The following UBL3 variants were observed in gnomAD, a reference collection of about 807,000 sequenced individuals.
The protein encoded by UBL3 is ubiquitin like 3.
UBL3 carries 6 observed loss-of-function variants against 18.4 expected under a neutral mutation model. The observed-to-expected ratio is 0.33, with a 90% CI of 0.18 to 0.64. The LOEUF (loss-of-function observed/expected upper bound fraction) is 0.64. UBL3 is among the 30% of genes least tolerant of loss of function. The probability of loss-of-function intolerance (pLI) is 0.76; values close to 1 mark genes in which losing one functional copy is unlikely to be tolerated. For synonymous variants in UBL3, 49 were observed against 46.6 expected, an observed-to-expected ratio of 1.05 and a Z score of -0.21; for missense variants, 109 against 142.9, an observed-to-expected ratio of 0.76 and a Z score of 1.21.
chr13:29,810,579 T>C (rs1358005018), intron 1 of UBL3, among the ~76,000 whole-genome samples: 1 of 152,238 alleles, frequency 6.6e-6, no homozygotes, highest in East Asian at 1.9e-4. Flanking sequence ...TCTTTTGGAT[T>C]TGTAAACTGA....
intron 1 of UBL3, among the ~76,000 whole-genome samples, chr13:29,783,504 T>C (rs1421061562): frequency 1.3e-5 from 2 of 152,170 alleles, no homozygotes; most frequent in African/African-American, 4.8e-5. Flanking sequence ...TAATTTCCTT[T>C]AGAAGAAATC....
intron 1 of UBL3, among the ~76,000 whole-genome samples, chr13:29,833,375 A>C (rs1878832903): frequency 1.3e-5 from 2 of 152,252 alleles, no homozygotes; most frequent in African/African-American, 4.8e-5. Context: ...TCTATCTAGG[A>C]CACTGGCACC....
chr13:29,826,132 A>G (rs1329873364), intron 1 of UBL3, among the ~76,000 whole-genome samples: 1 of 152,162 alleles, frequency 6.6e-6, no homozygotes, highest in African/African-American at 2.4e-5. Flanking sequence ...ATCGATGTTC[A>G]TCAGGGATAT....
chr13:29,835,707 A>C (rs995966802), intron 1 of UBL3, among the ~76,000 whole-genome samples: 1 of 140,460 alleles, frequency 7.1e-6, no homozygotes, highest in African/African-American at 2.7e-5. Flanking sequence ...GTGAGTTGAG[A>C]TCGCGCCACT....
At chr13:29,838,993 A>G (rs1450033764) in intron 1 of UBL3, among the ~76,000 whole-genome samples, 1 of 152,238 alleles carries the variant, frequency 6.6e-6, no homozygotes, top group East Asian at 1.9e-4. Context: ...ATGTTACTAG[A>G]CAGGAAGACA....
chr13:29,844,471 T>G (rs1269205086), intron 1 of UBL3, among the ~76,000 whole-genome samples: 1 of 152,170 alleles, frequency 6.6e-6, no homozygotes, highest in East Asian at 1.9e-4. Flanking sequence ...AAACACTGAT[T>G]GAATGCAAGC....
intron 1 of UBL3, among the ~76,000 whole-genome samples, chr13:29,814,988 A>G (rs181040205): frequency 1.3e-5 from 2 of 152,306 alleles, no homozygotes; most frequent in Non-Finnish European, 2.9e-5. Flanking sequence ...GTTTCTATAT[A>G]GAAATGTTAT....
At chr13:29,792,118 T>C (rs553740880) in intron 1 of UBL3, among the ~76,000 whole-genome samples, 12 of 152,232 alleles carry the variant, frequency 7.9e-5, no homozygotes, top group Admixed American at 6.5e-4. Context: ...TTGAAAAAAG[T>C]AGGTATTTAA....
At chr13:29,847,147 T>C (rs1447902707) in intron 1 of UBL3, among the ~76,000 whole-genome samples, 1 of 152,216 alleles carries the variant, frequency 6.6e-6, no homozygotes, top group African/African-American at 2.4e-5. Context: ...TAGCAAATGA[T>C]AGACTTCTTA....
At chr13:29,776,762 T>C (rs1015097144) in intron 2 of UBL3, among the ~76,000 whole-genome samples, 3 of 147,700 alleles carry the variant, frequency 2.0e-5, no homozygotes, top group Non-Finnish European at 4.4e-5. Context: ...TCCCAGCTAC[T>C]CGGGAGGCTG....
At chr13:29,836,669 G>C (rs1219088004) in intron 1 of UBL3, among the ~76,000 whole-genome samples, 2 of 151,884 alleles carry the variant, frequency 1.3e-5, no homozygotes, top group African/African-American at 4.8e-5. Flanking sequence ...CCCAGAACTT[G>C]TATGAATCTC....
chr13:29,782,820 T>G (rs1877212324), intron 1 of UBL3, among the ~76,000 whole-genome samples: 1 of 152,210 alleles, frequency 6.6e-6, no homozygotes, highest in Admixed American at 6.5e-5. Flanking sequence ...TCAAGTCTTA[T>G]AGCAAAACTG....
intron 1 of UBL3, among the ~76,000 whole-genome samples, chr13:29,804,258 G>A (rs761798039): frequency 6.6e-5 from 10 of 151,972 alleles, no homozygotes; most frequent in Non-Finnish European, 1.0e-4. Flanking sequence ...ATCAAGAAAT[G>A]CTTTGAAACT....
At chr13:29,781,462 CTA>C (rs1295664745) in intron 1 of UBL3, among the ~76,000 whole-genome samples, 1 of 152,110 alleles carries the variant, frequency 6.6e-6, no homozygotes, top group Admixed American at 6.5e-5. Context: ...TCCTAATAAA[CTA>C]TTAATATTTT....
intron 1 of UBL3, among the ~76,000 whole-genome samples, chr13:29,783,421 G>A (rs754910795): frequency 2.6e-5 from 4 of 152,234 alleles, no homozygotes; most frequent in African/African-American, 9.6e-5. Context: ...CTAGAGCCAT[G>A]AATCTGCCTC....
At chr13:29,771,894 TAG>T (rs1371805328) in intron 3 of UBL3, among the ~76,000 whole-genome samples, 1 of 152,052 alleles carries the variant, frequency 6.6e-6, no homozygotes, top group Non-Finnish European at 1.5e-5. Flanking sequence ...TATACTGGGA[TAG>T]AGTTTATTTC....
At chr13:29,792,264 C>T (rs1382323417) in intron 1 of UBL3, among the ~76,000 whole-genome samples, 1 of 152,024 alleles carries the variant, frequency 6.6e-6, no homozygotes, top group African/African-American at 2.4e-5. Flanking sequence ...CCAATAATTA[C>T]CAAGAAAAAA....
intron 1 of UBL3, among the ~76,000 whole-genome samples, chr13:29,823,079 GC>G (rs1157661261): frequency 6.6e-6 from 1 of 152,118 alleles, no homozygotes; most frequent in East Asian, 1.9e-4. Flanking sequence ...TAATCTTATT[GC>G]TTTTCTAATT....
intron 1 of UBL3, among the ~76,000 whole-genome samples, chr13:29,822,711 C>T (rs1310731746): frequency 1.3e-5 from 2 of 152,072 alleles, no homozygotes; most frequent in Non-Finnish European, 2.9e-5. Flanking sequence ...CCAAAGACTG[C>T]ATTTTAAAAA....
Sources: gnomAD v4.1 joint callset for allele counts (sites outside exome capture counted in the v4.1 genomes callset) on GRCh38, gnomAD v4.1.1 for gene constraint, MANE v1.5 for transcripts, NCBI Gene and HGNC (gene_info 2026-07-23, HGNC 2026-07-21) for gene names.